Variants in ELOVL6 observed in about 807,000 individuals in gnomAD.
The protein encoded by ELOVL6 is ELOVL fatty acid elongase 6.
Under a neutral mutation model 31.7 loss-of-function variants are expected in ELOVL6, and 8 were observed. That is an observed-to-expected ratio of 0.25 (90% CI 0.15 to 0.45). ELOVL6 has a LOEUF of 0.45. Ranked by LOEUF, ELOVL6 falls within the 20% of genes least tolerant of loss-of-function variation. The probability of loss-of-function intolerance (pLI) is 1.00; values close to 1 mark genes in which losing one functional copy is unlikely to be tolerated. For synonymous variants in ELOVL6, 101 were observed against 117.7 expected (o/e 0.86, Z 0.92); for missense variants, 126 against 326.4 (o/e 0.39, Z 4.73).
At chr4:110,088,925 A>C (rs1419243533) in intron 2 of ELOVL6, among the ~76,000 whole-genome samples, 1 of 152,208 alleles carries the variant, frequency 6.6e-6, no homozygotes, top group East Asian at 1.9e-4. Flanking sequence ...TTTCCATTAC[A>C]GTTACCACCG....
At chr4:110,170,394 T>C (rs1403316701) in intron 1 of ELOVL6, among the ~76,000 whole-genome samples, 1 of 152,234 alleles carries the variant, frequency 6.6e-6, no homozygotes, top group Non-Finnish European at 1.5e-5. Flanking sequence ...TTATTTAGCA[T>C]ACTCGCTAAA....
chr4:110,184,206 C>T lies in ELOVL6; in HGVS notation c.89+14041G>A, dbSNP rs77750567. Among the ~76,000 whole-genome samples the T allele has an allele frequency of 5.8e-3, 883 of 152,138 alleles. 9 individuals carry two copies. The highest frequency in any genetic ancestry group is 0.02 in the African/African-American group (840 of 41,514). ...GGACAATCTCCCATGATTCACTTAA[C>T]GAAATACAAAGCAGTGCCAGATAAT... On this transcript the variant is annotated intron_variant, in intron 1 of 3. Transcript: ENST00000302274.
At chr4:110,102,319 A>G (rs1209962377) in intron 2 of ELOVL6, among the ~76,000 whole-genome samples, 1 of 152,246 alleles carries the variant, frequency 6.6e-6, no homozygotes, top group African/African-American at 2.4e-5. Flanking sequence ...AAGATAAAGT[A>G]TCACCACTGA....
intron 2 of ELOVL6, among the ~76,000 whole-genome samples, chr4:110,089,853 G>A (rs1756371138): frequency 6.6e-6 from 1 of 152,114 alleles, no homozygotes; most frequent in Non-Finnish European, 1.5e-5. Flanking sequence ...ATGGAGGTGG[G>A]GAAGGAAAAG....
chr4:110,190,635 G>A (rs1056955096), intron 1 of ELOVL6, among the ~76,000 whole-genome samples: 1 of 152,040 alleles, frequency 6.6e-6, no homozygotes, highest in Non-Finnish European at 1.5e-5. Flanking sequence ...CCCTGGAGTA[G>A]CTGGGATTAC....
chr4:110,195,443 G>A (rs1240657042), intron 1 of ELOVL6, among the ~76,000 whole-genome samples: 1 of 152,106 alleles, frequency 6.6e-6, no homozygotes, highest in Middle Eastern at 3.2e-3. Flanking sequence ...TTTAAAAAGT[G>A]TTTAAAGTCT....
rs189827225 is a variant in ELOVL6 at position 110,094,088 on chromosome 4, A to C, written c.221+11409T>G. ...GACATGGCAAAAGCCCGTCTCTACC[A>C]AAAACACAAAATTAGCCAGGTGCGG... On this transcript the variant is annotated intron_variant, in intron 2 of 3. Transcript: ENST00000302274. Among the ~76,000 whole-genome samples the C allele has an allele frequency of 3.1e-3, 467 of 151,976 alleles. 1 individual carries two copies. Among genetic ancestry groups the C allele is most frequent in the African/African-American group, 0.011 (455 of 41,456 alleles).
intron 2 of ELOVL6, among the ~76,000 whole-genome samples, chr4:110,074,724 CA>C (rs1755582720): frequency 6.6e-6 from 1 of 152,142 alleles, no homozygotes; most frequent in South Asian, 2.1e-4. Flanking sequence ...TGTTTTATTA[CA>C]TAATAAACAT....
At chr4:110,160,678 C>T (rs997275987) in intron 1 of ELOVL6, among the ~76,000 whole-genome samples, 2 of 152,180 alleles carry the variant, frequency 1.3e-5, no homozygotes, top group African/African-American at 4.8e-5. Flanking sequence ...TATGTTGTTG[C>T]AATGTGCACT....
chr4:110,084,549 C>CAGATATATATATATAT (rs1560815682), intron 2 of ELOVL6, among the ~76,000 whole-genome samples: 1 of 72,740 alleles, frequency 1.4e-5, no homozygotes, highest in African/African-American at 7.6e-5. Flanking sequence ...CACACACACA[C>CAGATATATATATATAT]ACACACACAC....
At chr4:110,094,427 ATATATATATATATAT>A (rs1427457997) in intron 2 of ELOVL6, among the ~76,000 whole-genome samples, 2,810 of 63,978 alleles carry the variant, frequency 0.044, 211 homozygotes, top group African/African-American at 0.14. Flanking sequence ...ATATATATAT[ATATATATATATATAT>A]AATATATATA....
chr4:110,186,014 AC>A (rs1285010696), intron 1 of ELOVL6, among the ~76,000 whole-genome samples: 1 of 152,104 alleles, frequency 6.6e-6, no homozygotes, highest in Admixed American at 6.6e-5. Flanking sequence ...ACATGGTGAA[AC>A]CCTGTATCTA....
At chr4:110,082,748 AAAAT>A (rs370971668) in intron 2 of ELOVL6, among the ~76,000 whole-genome samples, 12 of 152,320 alleles carry the variant, frequency 7.9e-5, no homozygotes, top group East Asian at 3.9e-4. Flanking sequence ...GTATAATAAA[AAAAT>A]AAATAAAAAA....
Position 110,198,548 on chromosome 4 carries a change from T to G in ELOVL6, c.-213A>C. Reference sequence around the variant, plus strand: ...TGCGCCTCCGCTCCCAGCTCCTCTCTCTGGGGCTCTCCTCCTCCCGGCGTC... The same window carrying G: ...TGCGCCTCCGCTCCCAGCTCCTCTCGCTGGGGCTCTCCTCCTCCCGGCGTC... On this transcript the variant is annotated 5_prime_UTR_variant, in exon 1 of 4. Coordinates refer to ENST00000302274, the MANE Select transcript of ELOVL6 (RefSeq NM_024090.3). 2.0e-6 allele frequency: 1 copy of G among 507,786 alleles called. No homozygotes were observed. The highest frequency in any genetic ancestry group is 3.5e-6 in the Non-Finnish European group (1 of 288,742). The allele number at this position is 507,786 out of a possible 1,614,324, so 31.5% of individuals were successfully genotyped here.
chr4:110,179,541 C>T (rs1367364960), intron 1 of ELOVL6, among the ~76,000 whole-genome samples: 1 of 151,016 alleles, frequency 6.6e-6, no homozygotes, highest in Non-Finnish European at 1.5e-5. Flanking sequence ...ATCATTAAAC[C>T]CAAATGAAAT....
intron 1 of ELOVL6, among the ~76,000 whole-genome samples, chr4:110,196,985 CCCGTGGCA>C (rs1012754867): frequency 2.0e-5 from 3 of 152,198 alleles, no homozygotes. Context: ...CAGCTGCGGC[CCCGTGGCA>C]CCAGCTCCTA....
chr4:110,090,568 C>T (rs117469675), intron 2 of ELOVL6, among the ~76,000 whole-genome samples: 1 of 147,826 alleles, frequency 6.8e-6, no homozygotes, highest in Non-Finnish European at 1.5e-5. Flanking sequence ...AAGAGGTAGG[C>T]CTTCCAGGAA....
intron 2 of ELOVL6, among the ~76,000 whole-genome samples, chr4:110,098,334 C>T (rs146346737): frequency 8.5e-5 from 13 of 152,292 alleles, no homozygotes; most frequent in Middle Eastern, 6.8e-3. Flanking sequence ...TTATGCACCA[C>T]CAGTATGACC....
At chr4:110,171,260 T>G (rs1758934450) in intron 1 of ELOVL6, among the ~76,000 whole-genome samples, 1 of 151,878 alleles carries the variant, frequency 6.6e-6, no homozygotes, top group African/African-American at 2.4e-5. Flanking sequence ...CAATACAAAA[T>G]TAGCTGGGTG....
Sources: allele counts gnomAD v4.1 joint callset (sites outside exome capture counted in the v4.1 genomes callset), GRCh38; gene constraint gnomAD v4.1.1; transcripts MANE v1.5; gene names NCBI Gene and HGNC (gene_info 2026-07-23, HGNC 2026-07-21).